Variants in SLC2A5 observed in about 807,000 individuals in gnomAD.
SLC2A5 encodes the protein solute carrier family 2, facilitated glucose transporter member 5.
A neutral mutation model predicts 50.3 loss-of-function variants in SLC2A5; 56 were observed. The observed-to-expected ratio is 1.11, with a 90% CI of 0.90 to 1.39. The LOEUF is 1.39. Among genes scored for constraint, SLC2A5 ranks in the 40% most tolerant of loss-of-function variants. SLC2A5 has a pLI of 0.00. For synonymous variants in SLC2A5, 269 were observed against 281.9 expected (o/e 0.95, Z 0.46); for missense variants, 566 against 650.1 (o/e 0.87, Z 1.41).
At position 9,081,273 on chromosome 1, in the gene SLC2A5, A is replaced by AC. The variant is rs1557685754; in HGVS notation, c.-59+3740_-59+3741insG. 2.6e-3 allele frequency among the ~76,000 whole-genome samples: 379 copies of AC among 145,436 alleles called. 3 individuals carry two copies. Among genetic ancestry groups the AC allele is most frequent in the African/African-American group, 9.8e-3 (370 of 37,760 alleles). ...AGACCTTGTTTCAGAAAAAAAAAAA[A>AC]AAAAAACCCCAAAAAAAAAAAACAC... is the stretch of plus-strand genomic sequence containing the variant. On this transcript the variant is annotated intron_variant, in intron 2 of 5. Transcript: ENST00000464985.
intron 1 of SLC2A5, among the ~76,000 whole-genome samples, chr1:9,059,253 C>G (rs1335585638): frequency 6.7e-6 from 1 of 149,560 alleles, no homozygotes; most frequent in Non-Finnish European, 1.5e-5. Flanking sequence ...CGCCATTCTC[C>G]TGCCTTAGCC....
chr1:9,083,806 C>A (rs1048631834), intron 2 of SLC2A5, among the ~76,000 whole-genome samples: 1 of 151,412 alleles, frequency 6.6e-6, no homozygotes, highest in Admixed American at 6.6e-5. Flanking sequence ...GCCTGGGCAA[C>A]AAGAGTGAAA....
intron 3 of SLC2A5, 52 bp downstream of exon 3, chr1:9,057,396 C>G (rs1641785529): frequency 7.3e-7 from 1 of 1,373,694 alleles, no homozygotes; most frequent in Non-Finnish European, 1.0e-6. Context: ...TGTATTTTAG[C>G]TCTGATGGGG....
chr1:9,068,608 C>T (rs956246034), intron 1 of SLC2A5, among the ~76,000 whole-genome samples: 4 of 151,996 alleles, frequency 2.6e-5, no homozygotes, highest in South Asian at 2.1e-4. Flanking sequence ...CCTGCCACCA[C>T]GCCTGGCTAA....
chr1:9,059,985 T>TACAC (rs35876125), intron 1 of SLC2A5, among the ~76,000 whole-genome samples: 1,763 of 141,570 alleles, frequency 0.012, 43 homozygotes, highest in African/African-American at 0.044. Context: ...AAAAACATAC[T>TACAC]ACACACACAC....
chr1:9,077,067 A>G (rs1642290864), intron 2 of SLC2A5, among the ~76,000 whole-genome samples: 1 of 149,980 alleles, frequency 6.7e-6, no homozygotes, highest in Non-Finnish European at 1.5e-5. Context: ...GATTATAGGC[A>G]TGAGCCACCA....
chr1:9,071,522 T>A (rs1642210041), upstream of SLC2A5, among the ~76,000 whole-genome samples: 3 of 152,174 alleles, frequency 2.0e-5, no homozygotes, highest in South Asian at 4.1e-4. Flanking sequence ...TCCCTGCCTT[T>A]GGGCGAGGGG....
chr1:9,039,052 TCACATTCACATGTG>T, intron 8 of SLC2A5, 123 bp from the exon 9 acceptor site: 2 of 1,129,968 alleles, frequency 1.8e-6, no homozygotes, highest in Non-Finnish European at 2.5e-6. Flanking sequence ...GCACGCACAC[TCACATTCACATGTG>T]CAAGACATGC....
At chr1:9,075,366 A>T (rs1354036991) in intron 2 of SLC2A5, among the ~76,000 whole-genome samples, 3 of 152,128 alleles carry the variant, frequency 2.0e-5, no homozygotes, top group Non-Finnish European at 1.5e-5. Flanking sequence ...ACATCCCAAG[A>T]GCCATCCTAT....
chr1:9,040,243 G>A lies in SLC2A5; in HGVS notation c.572-54C>T. The A allele has an allele frequency of 1.3e-6, 2 of 1,526,880 alleles. No homozygotes were observed. The highest frequency in any genetic ancestry group is 1.8e-6 in the Non-Finnish European group (2 of 1,141,378). The allele number at this position is 1,526,880 out of a possible 1,614,324, so 94.6% of individuals were successfully genotyped here. ...GCGGCCTCCCCACCACCCCGAAGGC[G>A]CCCTCTGCAGAGCCGGCCCCAGCCC... On this transcript the variant is annotated intron_variant, in intron 5 of 11. Coordinates refer to ENST00000377424, the MANE Select transcript of SLC2A5 (RefSeq NM_003039.3). This position sits in a 1 kb window ranked among gnomAD's most constrained non-coding sequence, Gnocchi z 4.3.
upstream of SLC2A5, among the ~76,000 whole-genome samples, chr1:9,070,011 G>A (rs868173979): frequency 6.6e-6 from 1 of 151,444 alleles, no homozygotes; most frequent in Non-Finnish European, 1.5e-5. Flanking sequence ...GTCTCTTGGT[G>A]GAGAGTCAGT....
intron 1 of SLC2A5, among the ~76,000 whole-genome samples, chr1:9,061,110 C>A (rs543856937): frequency 6.6e-6 from 1 of 151,382 alleles, no homozygotes; most frequent in African/African-American, 2.4e-5. Flanking sequence ...CATGGTGAAA[C>A]CTCGTCTCTA....
the SLC2A5 span, among the ~76,000 whole-genome samples, chr1:9,093,939 CAGA>C: frequency 3.5e-3 from 536 of 152,290 alleles, 5 homozygotes; most frequent in African/African-American, 0.013. Flanking sequence ...ATTTCCAGGG[CAGA>C]TCAGGCCAAC....
At chr1:9,038,305 G>T in intron 10 of SLC2A5, 126 bp downstream of exon 10, 1 of 763,566 alleles carries the variant, frequency 1.3e-6, no homozygotes, top group Non-Finnish European at 2.3e-6. Flanking sequence ...CCCTTGCGGT[G>T]GACGGGGGAA....
intron 2 of SLC2A5, among the ~76,000 whole-genome samples, chr1:9,083,626 C>T (rs142064396): frequency 0.031 from 4,716 of 151,510 alleles, 269 homozygotes; most frequent in African/African-American, 0.11. Context: ...AGTTCAAGAC[C>T]GGCCTGGCCA....
intron 5 of SLC2A5, chr1:9,041,100 C>G (rs990308002): frequency 9.4e-6 from 3 of 318,832 alleles, no homozygotes; most frequent in Non-Finnish European, 1.1e-5. Context: ...AGTGTCTAAG[C>G]AGCACAGAGC....
chr1:9,066,848 C>T (rs1642095392), intron 1 of SLC2A5, among the ~76,000 whole-genome samples: 1 of 151,960 alleles, frequency 6.6e-6, no homozygotes, highest in South Asian at 2.1e-4. Context: ...GGTGGTGCTA[C>T]ATGCCTGTAG....
At chr1:9,038,546 G>T in intron 9 of SLC2A5, 40 bp from the exon 10 acceptor site, 1 of 1,556,320 alleles carries the variant, frequency 6.4e-7, no homozygotes. Context: ...GAGCAGACAA[G>T]CTAGGACGGG....
At chr1:9,080,527 C>G (rs1233420589) in intron 2 of SLC2A5, among the ~76,000 whole-genome samples, 1 of 152,182 alleles carries the variant, frequency 6.6e-6, no homozygotes, top group Non-Finnish European at 1.5e-5. Flanking sequence ...AGTAGCCATC[C>G]TAACAGGTGT....
Sources: gnomAD v4.1 joint callset for allele counts (sites outside exome capture counted in the v4.1 genomes callset) on GRCh38, gnomAD v4.1.1 for gene constraint, Gnocchi (gnomAD v3.1) non-coding constraint, MANE v1.5 for transcripts, NCBI Gene and HGNC (gene_info 2026-07-23, HGNC 2026-07-21) for gene names.